Variants in CACNA2D3 observed in about 807,000 individuals in gnomAD.
CACNA2D3 encodes voltage-dependent calcium channel subunit alpha-2/delta-3.
A neutral mutation model predicts 160.6 loss-of-function variants in CACNA2D3; 60 were observed. The ratio of observed to expected loss-of-function variants is 0.37; its 90% CI spans 0.30 to 0.46. The LOEUF is 0.46. Among genes scored for constraint, CACNA2D3 ranks in the 20% least tolerant of loss-of-function variants. The probability of loss-of-function intolerance (pLI) is 1.00; values close to 1 mark genes in which losing one functional copy is unlikely to be tolerated. For synonymous variants in CACNA2D3, 558 were observed against 492.9 expected (o/e 1.13, Z -1.75); for missense variants, 1,205 against 1,365.0 (o/e 0.88, Z 1.85).
chr3:54,326,758 A>G (rs1575396782), intron 3 of CACNA2D3, among the ~76,000 whole-genome samples: 1 of 152,350 alleles, frequency 6.6e-6, no homozygotes, highest in East Asian at 1.9e-4. Context: ...ATATGGCTGT[A>G]TAGATCTAAA....
rs115605146 is a variant in CACNA2D3 at position 54,642,048 on chromosome 3, A to T, written c.1054-80A>T. The T allele has an allele frequency of 1.9e-4, 154 of 805,382 alleles. No homozygotes were observed. In the African/African-American group the frequency reaches 2.6e-3, roughly 13 times the overall value. 49.9% of individuals were successfully genotyped at this position (805,382 alleles called of 1,614,324 possible). On this transcript the variant is annotated intron_variant, in intron 10 of 37. Coordinates refer to ENST00000474759, the MANE Select transcript of CACNA2D3 (RefSeq NM_018398.3). ...CATTTTAAAAGGCTTCCTTAGTCCC[A>T]GGTCTCATGTCTCTGATTTTTCACT...
intron 4 of CACNA2D3, among the ~76,000 whole-genome samples, chr3:54,436,533 G>A (rs1480216937): frequency 6.6e-6 from 1 of 152,126 alleles, no homozygotes; most frequent in Non-Finnish European, 1.5e-5. Flanking sequence ...CAACCCAAAT[G>A]CCCATCAATG....
At chr3:54,872,199 G>T (rs568921061) in intron 18 of CACNA2D3, among the ~76,000 whole-genome samples, 1 of 152,178 alleles carries the variant, frequency 6.6e-6, no homozygotes, top group African/African-American at 2.4e-5. Context: ...TTTTCCCCAC[G>T]TAGATTCAGC....
chr3:54,883,799 A>ATCTCTCTCTCTCTCTC lies in CACNA2D3; in HGVS notation c.1913-1473_1913-1458dup, dbSNP rs9311543. Reference sequence around the variant, plus strand: ...TCCTGACCTCCATAGTTACAATGGAATCTCTCTCTCTCTCTCTCTCTCTCC... The same window carrying ATCTCTCTCTCTCTCTC: ...TCCTGACCTCCATAGTTACAATGGAATCTCTCTCTCTCTCTCTCTCTCTCTCTCTCTCTCTCTCTCC... On this transcript the variant is annotated intron_variant, in intron 21 of 37. Coordinates refer to ENST00000474759, the MANE Select transcript of CACNA2D3 (RefSeq NM_018398.3). Among the ~76,000 whole-genome samples, 69 of 107,470 alleles carry ATCTCTCTCTCTCTCTC rather than the reference A, an allele frequency of 6.4e-4. 2 individuals are homozygous for ATCTCTCTCTCTCTCTC. The highest frequency in any genetic ancestry group is 5.2e-3 in the East Asian group (15 of 2,880). 70.5% of individuals were successfully genotyped at this position (107,470 alleles called of 152,430 possible).
chr3:54,760,546 G>A (rs998358393), intron 12 of CACNA2D3, among the ~76,000 whole-genome samples: 2 of 152,142 alleles, frequency 1.3e-5, no homozygotes, highest in Non-Finnish European at 2.9e-5. Flanking sequence ...ATGATGATTT[G>A]CTGTGACCTC....
chr3:54,916,665 A>G (rs1206632516), intron 27 of CACNA2D3, among the ~76,000 whole-genome samples: 1 of 151,838 alleles, frequency 6.6e-6, no homozygotes, highest in Non-Finnish European at 1.5e-5. Context: ...CTCTGTGATT[A>G]TTAGAGGTGC....
chr3:54,996,193 A>G (rs1036236864), intron 31 of CACNA2D3, among the ~76,000 whole-genome samples: 6 of 152,260 alleles, frequency 3.9e-5, no homozygotes, highest in Admixed American at 6.5e-5. Flanking sequence ...GGCTTCACGA[A>G]TGTGGCAGAG....
intron 11 of CACNA2D3, among the ~76,000 whole-genome samples, chr3:54,706,008 G>A (rs1021569521): frequency 6.6e-6 from 1 of 152,148 alleles, no homozygotes; most frequent in African/African-American, 2.4e-5. Context: ...CTTTGAGGCA[G>A]TATCACTAGC....
intron 16 of CACNA2D3, among the ~76,000 whole-genome samples, chr3:54,845,588 G>A (rs1029277604): frequency 5.3e-5 from 8 of 152,232 alleles, no homozygotes; most frequent in Non-Finnish European, 1.0e-4. Context: ...GCCAATGGGT[G>A]CAGTCAACTG....
chr3:54,391,551 C>G (rs931999354), intron 4 of CACNA2D3, among the ~76,000 whole-genome samples: 1 of 150,882 alleles, frequency 6.6e-6, no homozygotes, highest in African/African-American at 2.4e-5. Context: ...TGATCTGTCA[C>G]CCAGACCGGA....
intron 17 of CACNA2D3, among the ~76,000 whole-genome samples, chr3:54,861,139 A>G (rs999831119): frequency 2.0e-5 from 3 of 152,136 alleles, no homozygotes; most frequent in African/African-American, 7.2e-5. Context: ...AAGTAAGCTA[A>G]TAATTTGCAG....
chr3:54,918,817 T>C, intron 27 of CACNA2D3: 1 of 1,610,906 alleles, frequency 6.2e-7, no homozygotes, highest in Non-Finnish European at 8.5e-7. Flanking sequence ...CTGGTACAGC[T>C]CATGAGGGAT....
intron 4 of CACNA2D3, among the ~76,000 whole-genome samples, chr3:54,486,756 C>G (rs367583829): frequency 1.3e-5 from 2 of 152,238 alleles, no homozygotes; most frequent in East Asian, 1.9e-4. Flanking sequence ...TGGAAAAGGA[C>G]TGTAATGGGC....
chr3:54,623,271 C>T (rs771009384), intron 9 of CACNA2D3, among the ~76,000 whole-genome samples: 109 of 152,306 alleles, frequency 7.2e-4, no homozygotes, highest in Non-Finnish European at 1.2e-3. Flanking sequence ...GTGCACCTCC[C>T]GTGCGGTGGC....
At chr3:54,412,561 C>T (rs1699685476) in intron 4 of CACNA2D3, among the ~76,000 whole-genome samples, 1 of 143,836 alleles carries the variant, frequency 7.0e-6, no homozygotes, top group African/African-American at 2.5e-5. Context: ...TATGGTGTAT[C>T]TTTTTTCTGT....
At chr3:54,282,872 TAC>T (rs1702915054) in intron 2 of CACNA2D3, among the ~76,000 whole-genome samples, 1 of 152,076 alleles carries the variant, frequency 6.6e-6, no homozygotes, top group African/African-American at 2.4e-5. Flanking sequence ...TGTCATCAAA[TAC>T]AGTCATTATT....
At chr3:54,577,450 C>T (rs1702603532) in intron 8 of CACNA2D3, among the ~76,000 whole-genome samples, 1 of 152,114 alleles carries the variant, frequency 6.6e-6, no homozygotes, top group Non-Finnish European at 1.5e-5. Flanking sequence ...CATCTTATCC[C>T]CAACAAATGC....
At chr3:55,034,083 G>A (rs1194962650) in intron 35 of CACNA2D3, among the ~76,000 whole-genome samples, 1 of 151,196 alleles carries the variant, frequency 6.6e-6, no homozygotes, top group Non-Finnish European at 1.5e-5. Flanking sequence ...AAGAATTGAT[G>A]AGTCAAAGGG....
chr3:54,775,772 T>A (rs1304686496), intron 13 of CACNA2D3, among the ~76,000 whole-genome samples: 1 of 152,198 alleles, frequency 6.6e-6, no homozygotes, highest in Non-Finnish European at 1.5e-5. Flanking sequence ...TTCTGTCACC[T>A]CTTAGAAAGC....
Sources: allele counts gnomAD v4.1 joint callset (sites outside exome capture counted in the v4.1 genomes callset), GRCh38; gene constraint gnomAD v4.1.1; transcripts MANE v1.5; gene names NCBI Gene and HGNC (gene_info 2026-07-23, HGNC 2026-07-21).